ARHGAP28: variants seen among roughly 807,000 people sequenced by gnomAD.
The protein encoded by ARHGAP28 is rho GTPase-activating protein 28.
In ARHGAP28, 56 loss-of-function variants were observed where a neutral mutation model predicts 90.7. The ratio of observed to expected loss-of-function variants is 0.62; its 90% CI spans 0.50 to 0.77. ARHGAP28 has a LOEUF of 0.77. Ranked by LOEUF, ARHGAP28 falls within the 30% of genes least tolerant of loss-of-function variation. The pLI, the probability that ARHGAP28 is intolerant of heterozygous loss-of-function variation, is 0.00. For synonymous variants in ARHGAP28, 308 were observed against 323.3 expected (o/e 0.95, Z 0.51); for missense variants, 869 against 900.9 (o/e 0.96, Z 0.45).
At chr18:6,750,358 A>G (rs2056059238) in intron 1 of ARHGAP28, among the ~76,000 whole-genome samples, 2 of 152,172 alleles carry the variant, frequency 1.3e-5, no homozygotes, top group Admixed American at 6.5e-5. Context: ...ACATTCCACA[A>G]TACAGCTCAT....
chr18:6,874,066 T>G (rs1217701332), intron 9 of ARHGAP28, among the ~76,000 whole-genome samples: 1 of 152,220 alleles, frequency 6.6e-6, no homozygotes, highest in Non-Finnish European at 1.5e-5. Context: ...TTGCATTTTT[T>G]TCCAATATTT....
intron 9 of ARHGAP28, 93 bp from the exon 10 acceptor site, chr18:6,876,038 G>T (rs2057128486): frequency 9.7e-7 from 1 of 1,033,560 alleles, no homozygotes; most frequent in Admixed American, 1.9e-5. Flanking sequence ...TATATGCTTG[G>T]TAACTTATTG....
intron 1 of ARHGAP28, chr18:6,754,694 T>C (rs971098083): frequency 3.3e-5 from 5 of 152,196 alleles, no homozygotes; most frequent in African/African-American, 1.2e-4. Flanking sequence ...GCAGGTCAAT[T>C]TCCCAAGGAT....
At chr18:6,802,939 A>G (rs1341254266) in intron 1 of ARHGAP28, among the ~76,000 whole-genome samples, 2 of 152,104 alleles carry the variant, frequency 1.3e-5, no homozygotes, top group South Asian at 4.1e-4. Flanking sequence ...TATATTACTC[A>G]TGTATCATAA....
In ARHGAP28 at chr18:6,907,528, G is replaced by A. The variant is rs547728495; in HGVS notation, c.2031-1432G>A. Among the ~76,000 whole-genome samples, 2 of 149,444 alleles carry A rather than the reference G, an allele frequency of 1.3e-5. 1 individual carries two copies. Among genetic ancestry groups the A allele is most frequent in the South Asian group, 4.2e-4 (2 of 4,774 alleles). ...AGATCTCTAGGGATTTATGCCAAGT[G>A]GGGAAAAAAAGGCAATACAAAAATG... On this transcript the variant is annotated intron_variant, in intron 16 of 17. Transcript: ENST00000383472.
intron 14 of ARHGAP28, among the ~76,000 whole-genome samples, chr18:6,890,963 C>T (rs2057260783): frequency 1.3e-5 from 2 of 152,162 alleles, no homozygotes; most frequent in South Asian, 4.1e-4. Context: ...TTTTGTGTAA[C>T]TTCATTGCAT....
chr18:6,792,478 G>A (rs2056413525), intron 1 of ARHGAP28, among the ~76,000 whole-genome samples: 1 of 152,232 alleles, frequency 6.6e-6, no homozygotes, highest in South Asian at 2.1e-4. Context: ...ACACAGGACA[G>A]TTCTTTCTTA....
At chr18:6,755,018 C>T (rs2056098142) in intron 1 of ARHGAP28, among the ~76,000 whole-genome samples, 1 of 151,914 alleles carries the variant, frequency 6.6e-6, no homozygotes, top group Admixed American at 6.6e-5. Flanking sequence ...TGTGGTGGTA[C>T]ACCTAGCTAC....
intron 10 of ARHGAP28, among the ~76,000 whole-genome samples, chr18:6,879,745 G>A (rs2057162545): frequency 6.6e-6 from 1 of 152,234 alleles, no homozygotes; most frequent in South Asian, 2.1e-4. Flanking sequence ...CCAGTGCGGT[G>A]TTTATTGAGA....
Position 6,896,560 on chromosome 18 carries a change from T to C in ARHGAP28, c.1964T>C (p.Met655Thr). 1 of 1,614,164 alleles carries C rather than the reference T, an allele frequency of 6.2e-7. No individual in the cohort carries two copies. The highest frequency in any genetic ancestry group is 8.5e-7 in the Non-Finnish European group (1 of 1,180,006). ...VHAPLLSKVSMAIQLNNQTKA... is the reference protein window; with the variant it reads ...VHAPLLSKVSTAIQLNNQTKA... ...GCTCCACTTCTCTCCAAGGTGTCCATGGCCATTCAACTCAACAATCAAACC... is the reference window on the plus strand; with the variant it reads ...GCTCCACTTCTCTCCAAGGTGTCCACGGCCATTCAACTCAACAATCAAACC... The change falls in exon 16 of 18, where the codon ATG becomes ACG. Residue 655 changes from methionine (M) to threonine (T), a missense_variant. Physicochemically the swap from Met to Thr is moderately conservative, Grantham distance 81 (BLOSUM62 -1). Coordinates refer to ENST00000383472, the MANE Select transcript of ARHGAP28 (RefSeq NM_001366230.1).
At chr18:6,909,145 T>A (rs1271314561) in intron 17 of ARHGAP28, 121 bp downstream of exon 17, 1 of 614,442 alleles carries the variant, frequency 1.6e-6, no homozygotes, top group Non-Finnish European at 2.8e-6. Flanking sequence ...AATCAGTAGG[T>A]TTCTGATATT....
chr18:6,782,716 C>T (rs1164559518), intron 1 of ARHGAP28, among the ~76,000 whole-genome samples: 2 of 140,394 alleles, frequency 1.4e-5, no homozygotes, highest in Admixed American at 7.8e-5. Context: ...TCCCAAAGTG[C>T]TGGGATTACA....
Position 6,825,321 on chromosome 18 carries a change from TATTA to T in ARHGAP28, c.325+362_325+365del, listed in dbSNP as rs1227182097. ...TTACATTTGTCTACTCATTTGTTAT[TATTA>T]ATTAGAGTAATTAATACTTGACTAT... is the stretch of plus-strand genomic sequence containing the variant. On this transcript the variant is annotated intron_variant, in intron 2 of 17. Coordinates refer to ENST00000383472, the MANE Select transcript of ARHGAP28 (RefSeq NM_001366230.1). Among the ~76,000 whole-genome samples the T allele has an allele frequency of 1.1e-4, 17 of 152,320 alleles. 1 individual carries two copies. Among genetic ancestry groups the T allele is most frequent in the Admixed American group, 8.5e-4 (13 of 15,298 alleles).
chr18:6,846,072 A>G (rs908927662), intron 3 of ARHGAP28, among the ~76,000 whole-genome samples: 1 of 152,194 alleles, frequency 6.6e-6, no homozygotes, highest in Non-Finnish European at 1.5e-5. Context: ...GAAATGGTGC[A>G]TCGTGAATAG....
intron 10 of ARHGAP28, among the ~76,000 whole-genome samples, chr18:6,879,200 A>C (rs10163660): frequency 6.6e-6 from 1 of 152,150 alleles, no homozygotes; most frequent in Non-Finnish European, 1.5e-5. Flanking sequence ...TCTTTTCAAA[A>C]ATGACAGAAA....
chr18:6,830,754 G>A (rs974121995), intron 2 of ARHGAP28, among the ~76,000 whole-genome samples: 3 of 152,138 alleles, frequency 2.0e-5, no homozygotes, highest in African/African-American at 7.2e-5. Flanking sequence ...ATAGATACCA[G>A]GATTTAAGAC....
At chr18:6,882,428 T>C in intron 11 of ARHGAP28, 129 bp downstream of exon 11, 1 of 852,782 alleles carries the variant, frequency 1.2e-6, no homozygotes, top group Non-Finnish European at 1.7e-6. Flanking sequence ...TGGTGGAATA[T>C]TAAGTTTGAT....
At chr18:6,798,890 T>A (rs1285709638) in intron 1 of ARHGAP28, among the ~76,000 whole-genome samples, 1 of 152,236 alleles carries the variant, frequency 6.6e-6, no homozygotes, top group Non-Finnish European at 1.5e-5. Flanking sequence ...ATTTAATATT[T>A]ACTCATGTGA....
At chr18:6,866,303 T>C (rs1280733177) in intron 5 of ARHGAP28, among the ~76,000 whole-genome samples, 1 of 152,200 alleles carries the variant, frequency 6.6e-6, no homozygotes, top group African/African-American at 2.4e-5. Flanking sequence ...CTGATTAATT[T>C]ATTTCTTATG....
Sources: allele counts gnomAD v4.1 joint callset (sites outside exome capture counted in the v4.1 genomes callset), GRCh38; gene constraint gnomAD v4.1.1; transcripts MANE v1.5; gene names NCBI Gene and HGNC (gene_info 2026-07-23, HGNC 2026-07-21).